DLGAP1: variants seen among roughly 807,000 people sequenced by gnomAD.
DLGAP1 encodes the protein disks large-associated protein 1.
DLGAP1 carries 11 observed loss-of-function variants against 90.8 expected under a neutral mutation model. The observed-to-expected ratio is 0.12, with a 90% CI of 0.08 to 0.20. DLGAP1 has a LOEUF of 0.20. Ranked by LOEUF, DLGAP1 falls within the 10% of genes least tolerant of loss-of-function variation. The pLI is 1.00. For synonymous variants in DLGAP1, 558 were observed against 540.7 expected, an observed-to-expected ratio of 1.03 and a Z score of -0.44; for missense variants, 1,050 against 1,333.8, an observed-to-expected ratio of 0.79 and a Z score of 3.31.
chr18:4,385,811 G>C (rs946036164), intron 1 of DLGAP1, among the ~76,000 whole-genome samples: 2 of 152,266 alleles, frequency 1.3e-5, no homozygotes, highest in Non-Finnish European at 2.9e-5. Context: ...TTTCATAGTA[G>C]TGGTGGAGCC....
chr18:3,585,936 G>C (rs2055854531), intron 7 of DLGAP1, among the ~76,000 whole-genome samples: 1 of 152,278 alleles, frequency 6.6e-6, no homozygotes, highest in South Asian at 2.1e-4. Flanking sequence ...TGTTTCCAAC[G>C]CATGACTGAC....
intron 7 of DLGAP1, among the ~76,000 whole-genome samples, chr18:3,601,041 A>AG (rs1568280546): frequency 6.9e-6 from 1 of 145,084 alleles, no homozygotes; most frequent in Non-Finnish European, 1.5e-5. Flanking sequence ...TATAGAGATA[A>AG]AGATATAGAT....
At chr18:4,305,987 A>G (rs549955842) in intron 1 of DLGAP1, among the ~76,000 whole-genome samples, 1 of 151,170 alleles carries the variant, frequency 6.6e-6, no homozygotes, top group African/African-American at 2.4e-5. Context: ...CTCATTAATG[A>G]AACAACTCCC....
rs947704268 is a variant in DLGAP1 at position 3,814,326 on chromosome 18, TTTTC to T, written c.958-57_958-54del. Reference sequence around the variant, plus strand: ...CTTTTTATAAAAGCCTACCTTTTTCTTTTCTTTTTCTTTTTTTTTAGATTTAACA... The same window carrying T: ...CTTTTTATAAAAGCCTACCTTTTTCTTTTTTCTTTTTTTTTAGATTTAACA... On this transcript the variant is annotated intron_variant, in intron 4 of 12. Coordinates refer to ENST00000315677, the MANE Select transcript of DLGAP1 (RefSeq NM_004746.4). The T allele has an allele frequency of 2.1e-4, 309 of 1,494,794 alleles. 1 individual carries two copies. Among genetic ancestry groups the T allele is most frequent in the Middle Eastern group, 9.0e-4 (5 of 5,586 alleles). The allele number at this position is 1,494,794 out of a possible 1,614,324, so 92.6% of individuals were successfully genotyped here.
At chr18:3,895,082 CTG>C (rs2071581735) in intron 3 of DLGAP1, among the ~76,000 whole-genome samples, 1 of 152,200 alleles carries the variant, frequency 6.6e-6, no homozygotes, top group Non-Finnish European at 1.5e-5. Flanking sequence ...ATTAACAAAA[CTG>C]TGTGCTTAAC....
intron 10 of DLGAP1, among the ~76,000 whole-genome samples, chr18:3,523,847 C>CAA (rs36093730): frequency 5.9e-4 from 67 of 114,314 alleles, no homozygotes; most frequent in East Asian, 1.2e-3. Flanking sequence ...GACTCTGTCT[C>CAA]AAAAAAAAAA....
At chr18:3,578,600 C>G (rs982278138) in intron 8 of DLGAP1, among the ~76,000 whole-genome samples, 1 of 151,860 alleles carries the variant, frequency 6.6e-6, no homozygotes, top group African/African-American at 2.4e-5. Flanking sequence ...CGTGATCTGC[C>G]CACCTCAGCC....
At chr18:4,249,447 CAAA>C (rs11301773) in intron 1 of DLGAP1, among the ~76,000 whole-genome samples, 2,723 of 101,596 alleles carry the variant, frequency 0.027, 71 homozygotes, top group African/African-American at 0.088. Flanking sequence ...AATGTTCTGG[CAAA>C]AAAAAAAAAA....
At chr18:4,089,993 C>T (rs756179316) in intron 2 of DLGAP1, among the ~76,000 whole-genome samples, 10 of 152,036 alleles carry the variant, frequency 6.6e-5, no homozygotes, top group Non-Finnish European at 1.2e-4. Context: ...TGCAGTGAGC[C>T]AAGATCGCGC....
intron 1 of DLGAP1, among the ~76,000 whole-genome samples, chr18:4,423,255 G>T (rs2083081266): frequency 6.6e-6 from 1 of 152,134 alleles, no homozygotes; most frequent in East Asian, 1.9e-4. Context: ...GAGTTTTATG[G>T]AGAATTTTAT....
chr18:3,606,281 C>A (rs2057322455), intron 7 of DLGAP1, among the ~76,000 whole-genome samples: 1 of 152,094 alleles, frequency 6.6e-6, no homozygotes, highest in African/African-American at 2.4e-5. Context: ...AAACTGGGCC[C>A]CGCTTCTTAG....
chr18:3,620,251 AG>A (rs1423852360), intron 7 of DLGAP1, among the ~76,000 whole-genome samples: 2 of 152,118 alleles, frequency 1.3e-5, no homozygotes, highest in African/African-American at 4.8e-5. Context: ...GCGAGAGAGG[AG>A]CAGAGGGGTT....
chr18:4,328,227 G>A (rs893831227), intron 1 of DLGAP1, among the ~76,000 whole-genome samples: 4 of 151,550 alleles, frequency 2.6e-5, no homozygotes, highest in East Asian at 3.9e-4. Context: ...TTTTTTCCTC[G>A]CTCTCTCTCT....
intron 7 of DLGAP1, among the ~76,000 whole-genome samples, chr18:3,602,232 GC>G (rs2094114184): frequency 6.6e-6 from 1 of 152,074 alleles, no homozygotes; most frequent in Admixed American, 6.6e-5. Flanking sequence ...CAAAATGCAT[GC>G]TTTTATACCA....
chr18:3,529,410 C>T (rs923261449), intron 10 of DLGAP1, among the ~76,000 whole-genome samples: 11 of 152,146 alleles, frequency 7.2e-5, no homozygotes, highest in African/African-American at 2.7e-4. Context: ...TTATAAATTA[C>T]CCAGTCTAGG....
chr18:4,299,085 C>CAAAAAAAAAA (rs35327176), intron 1 of DLGAP1, among the ~76,000 whole-genome samples: 1 of 76,316 alleles, frequency 1.3e-5, no homozygotes, highest in African/African-American at 4.4e-5. Flanking sequence ...TGTCTCAAGA[C>CAAAAAAAAAA]AAAAAAAAAA....
At chr18:3,743,430 C>T (rs1028655229) in intron 5 of DLGAP1, among the ~76,000 whole-genome samples, 3 of 151,886 alleles carry the variant, frequency 2.0e-5, no homozygotes, top group African/African-American at 7.3e-5. Context: ...CTTTGGCTCA[C>T]TGCAAACTCC....
At chr18:4,262,391 A>G (rs2079020546) in intron 1 of DLGAP1, among the ~76,000 whole-genome samples, 1 of 152,202 alleles carries the variant, frequency 6.6e-6, no homozygotes, top group African/African-American at 2.4e-5. Flanking sequence ...AGTGGGTTAT[A>G]TTATCAGAAA....
chr18:4,146,787 G>A (rs1392839823), intron 2 of DLGAP1, among the ~76,000 whole-genome samples: 6 of 152,012 alleles, frequency 3.9e-5, no homozygotes, highest in African/African-American at 9.7e-5. Context: ...GCTAATATAT[G>A]ATTACAGGCT....
Sources: gnomAD v4.1 joint callset for allele counts (sites outside exome capture counted in the v4.1 genomes callset) on GRCh38, gnomAD v4.1.1 for gene constraint, MANE v1.5 for transcripts, NCBI Gene and HGNC (gene_info 2026-07-23, HGNC 2026-07-21) for gene names.